Variants in PID1 observed in about 807,000 individuals in gnomAD.
PID1 encodes the protein phosphotyrosine interaction domain containing 1.
PID1 carries 10 observed loss-of-function variants against 19.1 expected under a neutral mutation model. The ratio of observed to expected loss-of-function variants is 0.52; its 90% confidence interval spans 0.32 to 0.89. The LOEUF is 0.89. PID1 is among the 40% of genes least tolerant of loss of function. PID1 has a pLI of 0.03. For synonymous variants in PID1, 130 were observed against 116.0 expected (o/e 1.12, Z -0.78); for missense variants, 248 against 285.3 (o/e 0.87, Z 0.94).
chr2:229,212,571 A>G (rs1254389829), intron 1 of PID1, among the ~76,000 whole-genome samples: 1 of 152,152 alleles, frequency 6.6e-6, no homozygotes, highest in African/African-American at 2.4e-5. Context: ...TTTCCATGTT[A>G]AGGTATCCCT....
At chr2:229,250,306 T>G (rs1690116014) in intron 1 of PID1, among the ~76,000 whole-genome samples, 1 of 152,206 alleles carries the variant, frequency 6.6e-6, no homozygotes, top group Admixed American at 6.5e-5. Context: ...AAAAAGAGTC[T>G]TTCTTTCTTA....
At chr2:229,147,360 T>A (rs11691714) in intron 2 of PID1, among the ~76,000 whole-genome samples, 66,503 of 151,888 alleles carry the variant, frequency 0.44, 15,033 homozygotes, top group South Asian at 0.57. Context: ...TTAAAAAGTA[T>A]TACTCATTCA....
chr2:229,262,487 TA>T (rs61678189), intron 1 of PID1, among the ~76,000 whole-genome samples: 57 of 152,198 alleles, frequency 3.7e-4, no homozygotes, highest in African/African-American at 1.2e-3. Flanking sequence ...CACTCGGTAT[TA>T]AAAAAAGGAT....
intron 1 of PID1, among the ~76,000 whole-genome samples, chr2:229,200,031 T>C (rs1262229988): frequency 6.6e-6 from 1 of 151,900 alleles, no homozygotes; most frequent in Non-Finnish European, 1.5e-5. Flanking sequence ...TGCCTTCTTC[T>C]CCTTGTTCTG....
At chr2:229,264,568 T>C (rs1324644694) in intron 1 of PID1, among the ~76,000 whole-genome samples, 2 of 152,048 alleles carry the variant, frequency 1.3e-5, no homozygotes, top group Non-Finnish European at 2.9e-5. Context: ...GTAAAGACAA[T>C]TGCATTCTGT....
chr2:229,192,253 A>T (rs1183023182), intron 1 of PID1, among the ~76,000 whole-genome samples: 1 of 152,138 alleles, frequency 6.6e-6, no homozygotes, highest in African/African-American at 2.4e-5. Context: ...TGTTTCTTTA[A>T]AATATGTGTC....
At chr2:229,066,685 G>A (rs1694333653) in intron 2 of PID1, among the ~76,000 whole-genome samples, 1 of 151,792 alleles carries the variant, frequency 6.6e-6, no homozygotes, top group South Asian at 2.1e-4. Context: ...TTTGAAAGGA[G>A]CAAGTTTCTA....
chr2:229,247,635 C>T (rs761405169), intron 1 of PID1, among the ~76,000 whole-genome samples: 5 of 152,180 alleles, frequency 3.3e-5, no homozygotes, highest in Admixed American at 2.0e-4. Flanking sequence ...GGGGTCCATG[C>T]AAACATCCAA....
intron 2 of PID1, among the ~76,000 whole-genome samples, chr2:229,138,491 G>T (rs966389429): frequency 6.6e-6 from 1 of 152,036 alleles, no homozygotes; most frequent in Non-Finnish European, 1.5e-5. Context: ...GCCTGGAAAA[G>T]AAACAAGATA....
At chr2:229,066,076 TA>T (rs1694319667) in intron 2 of PID1, among the ~76,000 whole-genome samples, 1 of 152,104 alleles carries the variant, frequency 6.6e-6, no homozygotes, top group Non-Finnish European at 1.5e-5. Context: ...AACTATGTTT[TA>T]AGCCACACAC....
chr2:229,157,227 C>T (rs527979296), intron 1 of PID1, among the ~76,000 whole-genome samples: 25 of 152,148 alleles, frequency 1.6e-4, no homozygotes, highest in Admixed American at 1.1e-3. Flanking sequence ...GTCACAAGTT[C>T]GAGACCAGCC....
intron 2 of PID1, among the ~76,000 whole-genome samples, chr2:229,145,252 G>T (rs999187405): frequency 2.7e-5 from 4 of 148,124 alleles, no homozygotes; most frequent in African/African-American, 7.4e-5. Flanking sequence ...GTATAAACCA[G>T]ATTTTAGTTT....
chr2:229,175,947 C>T (rs772632062), intron 1 of PID1, among the ~76,000 whole-genome samples: 8 of 152,190 alleles, frequency 5.3e-5, no homozygotes, highest in South Asian at 2.1e-4. Context: ...ACCATCCCCA[C>T]GGCTGCTGCC....
intron 2 of PID1, among the ~76,000 whole-genome samples, chr2:229,066,643 C>G (rs1694332883): frequency 6.6e-6 from 1 of 151,934 alleles, no homozygotes; most frequent in Non-Finnish European, 1.5e-5. Context: ...GAATTTTCCA[C>G]CCCTGATCCT....
intron 2 of PID1, among the ~76,000 whole-genome samples, chr2:229,076,397 T>C (rs1276010576): frequency 2.0e-5 from 3 of 152,056 alleles, no homozygotes; most frequent in Admixed American, 2.0e-4. Context: ...TTTTTTTTAC[T>C]TTTTTTATGA....
intron 1 of PID1, among the ~76,000 whole-genome samples, chr2:229,157,990 T>C (rs1690412226): frequency 6.6e-6 from 1 of 152,202 alleles, no homozygotes; most frequent in Non-Finnish European, 1.5e-5. Flanking sequence ...GTAAGTTAGT[T>C]TTGTGCAGCG....
At chr2:229,168,480 T>G (rs780735900) in intron 1 of PID1, among the ~76,000 whole-genome samples, 7 of 152,188 alleles carry the variant, frequency 4.6e-5, no homozygotes, top group Non-Finnish European at 1.0e-4. Context: ...TTCATCCCTT[T>G]TACTTTGTTG....
At chr2:229,059,427 GTGTTTTCACATATAATCTCATGTGTATA>G (rs1420854451) in intron 2 of PID1, among the ~76,000 whole-genome samples, 1 of 152,212 alleles carries the variant, frequency 6.6e-6, no homozygotes, top group African/African-American at 2.4e-5. Flanking sequence ...ACAAGGTTAG[GTGTTTTCACATATAATCTCATGTGTATA>G]TGTCAGTGTC....
chr2:229,137,721 C>T (rs74811993), intron 2 of PID1, among the ~76,000 whole-genome samples: 3,117 of 152,304 alleles, frequency 0.02, 92 homozygotes, highest in African/African-American at 0.071. Flanking sequence ...ATGTCAAATG[C>T]ATCTGCTTCA....
Sources: gnomAD v4.1 joint callset for allele counts (sites outside exome capture counted in the v4.1 genomes callset) on GRCh38, gnomAD v4.1.1 for gene constraint, MANE v1.5 for transcripts, NCBI Gene and HGNC (gene_info 2026-07-23, HGNC 2026-07-21) for gene names.